LRRIQ3: variants seen among roughly 807,000 people sequenced by gnomAD.
LRRIQ3 encodes the protein leucine rich repeats and IQ motif containing 3.
A neutral mutation model predicts 59.3 loss-of-function variants in LRRIQ3; 75 were observed. The ratio of observed to expected loss-of-function variants is 1.26; its 90% CI spans 1.05 to 1.53. The LOEUF is 1.53. Among genes scored for constraint, LRRIQ3 ranks in the 40% most tolerant of loss-of-function variants. The pLI, the probability that LRRIQ3 is intolerant of heterozygous loss-of-function variation, is 0.00. For missense variants in LRRIQ3, 831 were observed against 710.0 expected, an observed-to-expected ratio of 1.17 and a Z score of -1.94; for synonymous variants, 250 against 231.3, an observed-to-expected ratio of 1.08 and a Z score of -0.73.
intron 4 of LRRIQ3, among the ~76,000 whole-genome samples, chr1:74,130,883 G>C (rs1008853088): frequency 6.6e-6 from 1 of 152,072 alleles, no homozygotes; most frequent in Non-Finnish European, 1.5e-5. Flanking sequence ...ACTAAGATCA[G>C]AGCAGAACTG....
At chr1:74,128,465 C>A (rs751484227) in intron 4 of LRRIQ3, among the ~76,000 whole-genome samples, 23 of 152,160 alleles carry the variant, frequency 1.5e-4, no homozygotes, top group Middle Eastern at 3.4e-3. Flanking sequence ...AATATGTTTG[C>A]TAAATTGATC....
rs1474255464 is a variant in LRRIQ3, at chr1:74,026,218, AC to A, written c.*594del. 2 of 152,080 alleles carry A rather than the reference AC, an allele frequency of 1.3e-5. No individual in the cohort carries two copies. Among genetic ancestry groups the A allele is most frequent in the Non-Finnish European group, 2.9e-5 (2 of 67,966 alleles). 9.4% of individuals were successfully genotyped at this position (152,080 alleles called of 1,614,324 possible). On this transcript the variant is annotated 3_prime_UTR_variant, in exon 8 of 8. Coordinates refer to ENST00000354431, the MANE Select transcript of LRRIQ3 (RefSeq NM_001105659.2). ...GGGCAAACCCATCAAAAGTAAATAT[AC>A]AAAAATCTTACAGTCTTCAAGGAAG...
intron 6 of LRRIQ3, among the ~76,000 whole-genome samples, chr1:74,044,470 T>C (rs1654141488): frequency 6.6e-6 from 1 of 152,090 alleles, no homozygotes; most frequent in African/African-American, 2.4e-5. Flanking sequence ...TCTGCCATAA[T>C]ATTAAGGGAA....
intron 6 of LRRIQ3, among the ~76,000 whole-genome samples, chr1:74,073,250 C>T (rs745574232): frequency 5.3e-5 from 8 of 152,006 alleles, no homozygotes; most frequent in Non-Finnish European, 1.0e-4. Context: ...AGGTGGCTCA[C>T]GCTTATAATC....
intron 7 of LRRIQ3, among the ~76,000 whole-genome samples, chr1:74,029,500 T>A (rs150545639): frequency 9.6e-4 from 146 of 152,222 alleles, no homozygotes; most frequent in African/African-American, 3.3e-3. Context: ...TGGATTACGT[T>A]TATTGATTTG....
intron 3 of LRRIQ3, among the ~76,000 whole-genome samples, chr1:74,165,585 C>G (rs2100688629): frequency 6.6e-6 from 1 of 151,510 alleles, no homozygotes; most frequent in Admixed American, 6.6e-5. Flanking sequence ...TTCCTTTTCT[C>G]ACCTTGTTGT....
chr1:74,112,956 G>C (rs765330076), intron 4 of LRRIQ3, among the ~76,000 whole-genome samples: 11 of 151,956 alleles, frequency 7.2e-5, no homozygotes, highest in Non-Finnish European at 1.5e-4. Flanking sequence ...AAATAGGGCA[G>C]ACAACAGAAA....
At chr1:74,031,127 G>A (rs1209602438) in intron 7 of LRRIQ3, among the ~76,000 whole-genome samples, 1 of 152,162 alleles carries the variant, frequency 6.6e-6, no homozygotes, top group Admixed American at 6.5e-5. Context: ...TGCTGGAGAG[G>A]ATGTGGAGAA....
chr1:74,146,192 T>A (rs1647557674), intron 4 of LRRIQ3, among the ~76,000 whole-genome samples: 1 of 152,088 alleles, frequency 6.6e-6, no homozygotes, highest in Admixed American at 6.6e-5. Flanking sequence ...CAAAATCACC[T>A]AACAACATGT....
intron 5 of LRRIQ3, among the ~76,000 whole-genome samples, chr1:74,097,779 C>A (rs889589122): frequency 2.6e-5 from 4 of 152,092 alleles, no homozygotes; most frequent in Admixed American, 6.6e-5. Context: ...GAATTTTCAA[C>A]CCAGAATTTC....
At chr1:74,119,540 A>G (rs1646823369) in intron 4 of LRRIQ3, among the ~76,000 whole-genome samples, 1 of 152,160 alleles carries the variant, frequency 6.6e-6, no homozygotes, top group Non-Finnish European at 1.5e-5. Flanking sequence ...TTACAAAAAT[A>G]TACAACTTAA....
intron 4 of LRRIQ3, among the ~76,000 whole-genome samples, chr1:74,123,303 C>A (rs1396090066): frequency 6.6e-6 from 1 of 152,122 alleles, no homozygotes; most frequent in East Asian, 1.9e-4. Flanking sequence ...GTTTTACAAA[C>A]AATCCACACA....
At chr1:74,163,924 T>G (rs141195973) in intron 3 of LRRIQ3, among the ~76,000 whole-genome samples, 1,679 of 151,640 alleles carry the variant, frequency 0.011, 36 homozygotes, top group African/African-American at 0.039. Flanking sequence ...TTTTTTTAAT[T>G]TTAGCCATTC....
intron 4 of LRRIQ3, among the ~76,000 whole-genome samples, chr1:74,139,947 A>G (rs1030671184): frequency 6.6e-6 from 1 of 151,884 alleles, no homozygotes; most frequent in Non-Finnish European, 1.5e-5. Context: ...GTATCTTCCA[A>G]AACAGTAGAG....
intron 3 of LRRIQ3, among the ~76,000 whole-genome samples, chr1:74,176,670 G>A (rs113097040): frequency 2.0e-5 from 3 of 152,040 alleles, no homozygotes; most frequent in African/African-American, 4.8e-5. Context: ...TTTATGTAGG[G>A]GTTATAGCTC....
At chr1:74,180,673 G>A in intron 3 of LRRIQ3, 1 of 1,529,002 alleles carries the variant, frequency 6.5e-7, no homozygotes, top group Non-Finnish European at 8.8e-7. Flanking sequence ...TGTCATTTGT[G>A]ATGCAATGTT....
chr1:74,134,532 T>C (rs540819918), intron 4 of LRRIQ3, among the ~76,000 whole-genome samples: 1 of 151,884 alleles, frequency 6.6e-6, no homozygotes, highest in Non-Finnish European at 1.5e-5. Flanking sequence ...CCTCTTAATA[T>C]CTTTAAAAGC....
intron 4 of LRRIQ3, among the ~76,000 whole-genome samples, chr1:74,135,481 A>G (rs779150806): frequency 3.9e-5 from 6 of 151,970 alleles, no homozygotes; most frequent in Non-Finnish European, 8.8e-5. Context: ...TCTCCAGGAT[A>G]TATCTCATAA....
chr1:74,048,060 A>G (rs1654256627), intron 6 of LRRIQ3, among the ~76,000 whole-genome samples: 1 of 152,138 alleles, frequency 6.6e-6, no homozygotes, highest in Non-Finnish European at 1.5e-5. Context: ...CCATGTTGGC[A>G]TCCTGATCTC....
Sources: gnomAD v4.1 joint callset for allele counts (sites outside exome capture counted in the v4.1 genomes callset) on GRCh38, gnomAD v4.1.1 for gene constraint, MANE v1.5 for transcripts, NCBI Gene and HGNC (gene_info 2026-07-23, HGNC 2026-07-21) for gene names.